The following MIPEP variants were observed in gnomAD, a reference collection of about 807,000 sequenced individuals.
MIPEP encodes the protein mitochondrial intermediate peptidase.
A neutral mutation model predicts 90.3 loss-of-function variants in MIPEP; 79 were observed. The ratio of observed to expected loss-of-function variants is 0.87; its 90% CI spans 0.73 to 1.05. The LOEUF is 1.05. Among genes scored for constraint, MIPEP ranks in the 50% least tolerant of loss-of-function variants. MIPEP has a pLI of 0.00. For missense variants in MIPEP, 940 were observed against 905.6 expected (o/e 1.04, Z -0.49); for synonymous variants, 334 against 315.8 (o/e 1.06, Z -0.61).
chr13:23,811,827 A>G (rs949376571), intron 14 of MIPEP, among the ~76,000 whole-genome samples: 18 of 152,198 alleles, frequency 1.2e-4, no homozygotes, highest in African/African-American at 4.1e-4. Flanking sequence ...CAGCTTATCA[A>G]CTGTTTCAGT....
chr13:23,807,636 A>G (rs1334050612), intron 15 of MIPEP, among the ~76,000 whole-genome samples: 1 of 152,214 alleles, frequency 6.6e-6, no homozygotes, highest in Non-Finnish European at 1.5e-5. Flanking sequence ...TCAATTCTAC[A>G]TTTTATAATG....
chr13:23,807,504 A>C (rs1471244884), intron 15 of MIPEP, among the ~76,000 whole-genome samples: 2 of 152,232 alleles, frequency 1.3e-5, no homozygotes, highest in Non-Finnish European at 2.9e-5. Flanking sequence ...TAGATATAGA[A>C]TTATGGTTCT....
At chr13:23,839,873 T>G (rs1190739879) in intron 11 of MIPEP, 147 bp from the exon 12 acceptor site, 7 of 553,648 alleles carry the variant, frequency 1.3e-5, no homozygotes, top group Non-Finnish European at 2.2e-5. Flanking sequence ...TCGAGATAGA[T>G]TCTCTTTTCC....
At chr13:23,785,169 T>G (rs1354079705) in intron 16 of MIPEP, among the ~76,000 whole-genome samples, 1 of 152,116 alleles carries the variant, frequency 6.6e-6, no homozygotes, top group East Asian at 1.9e-4. Context: ...AAATCATGCT[T>G]CTATAAAGGC....
intron 10 of MIPEP, among the ~76,000 whole-genome samples, chr13:23,857,478 G>A (rs751288235): frequency 1.9e-4 from 29 of 152,216 alleles, no homozygotes; most frequent in Non-Finnish European, 4.0e-4. Context: ...GCTGAGGCAG[G>A]AGGGCTGCTG....
intron 14 of MIPEP, among the ~76,000 whole-genome samples, chr13:23,834,155 C>G (rs938229024): frequency 2.0e-5 from 3 of 152,134 alleles, no homozygotes; most frequent in Non-Finnish European, 2.9e-5. Context: ...GCCGAGCCCC[C>G]GGAGCCGGAG....
intron 4 of MIPEP, 74 bp downstream of exon 4, chr13:23,879,194 G>T: frequency 1.2e-6 from 1 of 830,904 alleles, no homozygotes; most frequent in Non-Finnish European, 2.0e-6. Context: ...CAAGTACAGA[G>T]GCCCTGAGGG....
At chr13:23,765,451 T>C (rs1593140959) in intron 16 of MIPEP, among the ~76,000 whole-genome samples, 1 of 152,222 alleles carries the variant, frequency 6.6e-6, no homozygotes, top group South Asian at 2.1e-4. Context: ...GCCTAATTTA[T>C]AAATGTCACT....
intron 2 of MIPEP, 106 bp from the exon 3 acceptor site, chr13:23,881,893 G>C (rs1593209798): frequency 1.2e-6 from 1 of 802,840 alleles, no homozygotes; most frequent in South Asian, 1.6e-5. Context: ...CCATTGGCTT[G>C]CCCTATGCAT....
At chr13:23,852,770 G>A (rs1869852800) in intron 10 of MIPEP, among the ~76,000 whole-genome samples, 1 of 152,174 alleles carries the variant, frequency 6.6e-6, no homozygotes, top group Non-Finnish European at 1.5e-5. Context: ...CTTCAGGAGG[G>A]ATTCCAGAAG....
At chr13:23,798,994 T>C (rs1206359427) in intron 16 of MIPEP, among the ~76,000 whole-genome samples, 1 of 139,006 alleles carries the variant, frequency 7.2e-6, no homozygotes, top group Non-Finnish European at 1.5e-5. Flanking sequence ...TAGAATAATT[T>C]TTTTGGTTTT....
chr13:23,783,521 T>C lies in MIPEP; in HGVS notation c.1848+22429A>G, dbSNP rs1304744126. ...ACTGAATGGGCAAAAACTGGAAGCA[T>C]TCCCTTTGAAAACTGGCACAAAACA... On this transcript the variant is annotated intron_variant, in intron 16 of 18. Transcript: ENST00000382172. 2.6e-5 allele frequency among the ~76,000 whole-genome samples: 4 copies of C among 152,258 alleles called. No individual in the cohort carries two copies. In the East Asian group the frequency reaches 7.7e-4, roughly 29 times the overall value.
chr13:23,829,253 G>A (rs1048963364), intron 14 of MIPEP, among the ~76,000 whole-genome samples: 3 of 152,050 alleles, frequency 2.0e-5, no homozygotes, highest in Admixed American at 6.6e-5. Flanking sequence ...GGTGGCTCAC[G>A]CCTGTAATCC....
intron 16 of MIPEP, among the ~76,000 whole-genome samples, chr13:23,775,771 A>C (rs796498670): frequency 6.6e-6 from 1 of 152,352 alleles, no homozygotes; most frequent in South Asian, 2.1e-4. Context: ...AAATCAAGGC[A>C]ATCTCCAAGA....
intron 14 of MIPEP, among the ~76,000 whole-genome samples, chr13:23,817,317 T>C (rs1953251847): frequency 1.3e-5 from 2 of 152,172 alleles, no homozygotes; most frequent in Non-Finnish European, 2.9e-5. Context: ...ATGAAGAAAC[T>C]TGTAAAGCTT....
intron 16 of MIPEP, among the ~76,000 whole-genome samples, chr13:23,804,931 T>C (rs1038733513): frequency 6.6e-6 from 1 of 152,188 alleles, no homozygotes. Context: ...GACCTGAACC[T>C]ACCGGTAGTT....
At chr13:23,793,714 T>C (rs1310683973) in intron 16 of MIPEP, among the ~76,000 whole-genome samples, 3 of 151,696 alleles carry the variant, frequency 2.0e-5, no homozygotes, top group African/African-American at 2.4e-5. Context: ...AGATGACCCA[T>C]CTTAAGGGAA....
intron 18 of MIPEP, among the ~76,000 whole-genome samples, chr13:23,747,050 G>A (rs907840021): frequency 5.3e-5 from 8 of 152,200 alleles, no homozygotes; most frequent in Admixed American, 5.2e-4. Flanking sequence ...AGGTGTCGAG[G>A]AGTGCTGTGG....
At chr13:23,799,520 G>A (rs1161698750) in intron 16 of MIPEP, among the ~76,000 whole-genome samples, 3 of 150,908 alleles carry the variant, frequency 2.0e-5, no homozygotes, top group Admixed American at 2.0e-4. Context: ...TAGAGATGGG[G>A]TTTCACCGTG....
Sources: allele counts gnomAD v4.1 joint callset (sites outside exome capture counted in the v4.1 genomes callset), GRCh38; gene constraint gnomAD v4.1.1; transcripts MANE v1.5; gene names NCBI Gene and HGNC (gene_info 2026-07-23, HGNC 2026-07-21).